Variants in TTLL9 observed in about 807,000 individuals in gnomAD.
The protein encoded by TTLL9 is tubulin tyrosine ligase like 9, also known as probable tubulin polyglutamylase TTLL9.
A neutral mutation model predicts 65.6 loss-of-function variants in TTLL9; 47 were observed. The ratio of observed to expected loss-of-function variants is 0.72; its 90% CI spans 0.57 to 0.91. TTLL9 has a LOEUF of 0.91. Ranked by LOEUF, TTLL9 falls within the 40% of genes least tolerant of loss-of-function variation. The pLI is 0.00. For missense variants in TTLL9, 537 were observed against 568.8 expected, an observed-to-expected ratio of 0.94 and a Z score of 0.57; for synonymous variants, 179 against 204.8, an observed-to-expected ratio of 0.87 and a Z score of 1.07.
chr20:31,877,677 T>C (rs1286771542), intron 2 of TTLL9, among the ~76,000 whole-genome samples: 10 of 152,210 alleles, frequency 6.6e-5, no homozygotes, highest in Non-Finnish European at 1.0e-4. Context: ...TCCCCAGTGA[T>C]TTATAATGCC....
rs1555799846 is a variant in TTLL9, at chr20:31,873,734, GAAA to G, written c.69+2542_69+2544del. ...AGAAAGAAAGAAAGAAAGAAAGAAAGAAAAAGGAAGGAAGGAAGAAAGAAAGAA... is the reference window on the plus strand; with the variant it reads ...AGAAAGAAAGAAAGAAAGAAAGAAAGAAGGAAGGAAGGAAGAAAGAAAGAA... On this transcript the variant is annotated intron_variant, in intron 2 of 14. Coordinates refer to ENST00000535842, the MANE Select transcript of TTLL9 (RefSeq NM_001008409.5). Among the ~76,000 whole-genome samples the G allele has an allele frequency of 5.8e-3, 601 of 103,552 alleles. 3 individuals carry two copies. Among genetic ancestry groups the G allele is most frequent in the Non-Finnish European group, 9.8e-3 (470 of 48,194 alleles). The allele number at this position is 103,552 out of a possible 152,430, so 67.9% of individuals were successfully genotyped here.
At chr20:31,897,283 T>G (rs1340649772) in intron 3 of TTLL9, among the ~76,000 whole-genome samples, 1 of 152,236 alleles carries the variant, frequency 6.6e-6, no homozygotes, top group Non-Finnish European at 1.5e-5. Flanking sequence ...ATTGTTCCAT[T>G]TCATCTAAGC....
At chr20:31,888,564 T>C (rs1977092) in intron 3 of TTLL9, among the ~76,000 whole-genome samples, 111,410 of 151,910 alleles carry the variant, frequency 0.73, 42,451 homozygotes, top group African/African-American at 0.94. Context: ...CTCTGCCTCC[T>C]GGGTTCAAGC....
chr20:31,898,732 T>G (rs1282749983), intron 4 of TTLL9, among the ~76,000 whole-genome samples, 167 bp downstream of exon 4: 1 of 152,262 alleles, frequency 6.6e-6, no homozygotes, highest in African/African-American at 2.4e-5. Flanking sequence ...CACTATCATC[T>G]CTGTCTTATT....
At chr20:31,887,905 T>TCTCTTCTCTTCTCTTCTC (rs1568747311) in intron 3 of TTLL9, among the ~76,000 whole-genome samples, 2 of 151,056 alleles carry the variant, frequency 1.3e-5, no homozygotes, top group African/African-American at 2.5e-5. Flanking sequence ...TCTCTTCTCT[T>TCTCTTCTCTTCTCTTCTC]TTGAGTTTCA....
intron 2 of TTLL9, among the ~76,000 whole-genome samples, chr20:31,876,495 T>C (rs1176654606): frequency 1.3e-5 from 2 of 152,330 alleles, no homozygotes; most frequent in East Asian, 3.8e-4. Context: ...TCTATCACCC[T>C]ACTAGTGGAC....
intron 7 of TTLL9, among the ~76,000 whole-genome samples, chr20:31,921,386 T>C (rs2063813789): frequency 6.6e-6 from 1 of 152,208 alleles, no homozygotes; most frequent in Non-Finnish European, 1.5e-5. Flanking sequence ...GACTGTAAAC[T>C]AGTTCAACCA....
intron 3 of TTLL9, among the ~76,000 whole-genome samples, chr20:31,895,496 C>G (rs1188191510): frequency 6.6e-6 from 1 of 152,120 alleles, no homozygotes; most frequent in Non-Finnish European, 1.5e-5. Flanking sequence ...ATGCATGAGA[C>G]TCCTCCCTTC....
At chr20:31,924,332 C>T (rs2063859353) in intron 8 of TTLL9, among the ~76,000 whole-genome samples, 1 of 152,188 alleles carries the variant, frequency 6.6e-6, no homozygotes, top group Admixed American at 6.5e-5. Context: ...GACCTGACCT[C>T]TGCCAGCCTA....
chr20:31,938,166 C>G (rs756089660), intron 13 of TTLL9: 1 of 449,782 alleles, frequency 2.2e-6, no homozygotes, highest in South Asian at 1.6e-5. Flanking sequence ...TAGCTTTTCC[C>G]CGATTATTCC....
intron 2 of TTLL9, among the ~76,000 whole-genome samples, chr20:31,874,922 A>G (rs2063016760): frequency 6.6e-6 from 1 of 152,120 alleles, no homozygotes; most frequent in Non-Finnish European, 1.5e-5. Context: ...AAGGAAACAG[A>G]TTATCCTAGA....
chr20:31,899,194 G>A (rs1341517832), intron 4 of TTLL9, among the ~76,000 whole-genome samples: 1 of 152,228 alleles, frequency 6.6e-6, no homozygotes, highest in Non-Finnish European at 1.5e-5. Context: ...GATGGTAAGG[G>A]GGCCCCACAG....
chr20:31,930,558 A>G (rs950407932), intron 10 of TTLL9, among the ~76,000 whole-genome samples: 3 of 152,102 alleles, frequency 2.0e-5, no homozygotes, highest in Admixed American at 1.3e-4. Context: ...TTGTTAATTC[A>G]TGTGGGATTT....
intron 10 of TTLL9, among the ~76,000 whole-genome samples, chr20:31,931,535 C>T (rs1329933929): frequency 6.6e-6 from 1 of 152,228 alleles, no homozygotes; most frequent in Non-Finnish European, 1.5e-5. Flanking sequence ...CTTGACCTCC[C>T]AAAGTGCTAG....
chr20:31,887,191 T>C lies in TTLL9; in HGVS notation c.70-5T>C, dbSNP rs781663999. On this transcript the variant is annotated splice_region_variant and splice_polypyrimidine_tract_variant and intron_variant, in intron 2 of 14. Transcript: ENST00000535842. ...AGTTACATCCTTTTCCTTTCCTCAT[T>C]GCAGAACCAAAATTACAAGGGCCAT... is the stretch of plus-strand genomic sequence containing the variant. 8 of 1,614,000 alleles carry C rather than the reference T, an allele frequency of 5.0e-6. No individual in the cohort carries two copies. Among genetic ancestry groups the C allele is most frequent in the Non-Finnish European group, 6.8e-6 (8 of 1,179,988 alleles).
At position 31,919,896 on chromosome 20, in the gene TTLL9, C is replaced by T; in HGVS notation, c.537C>T (p.Leu179=). 1 of 1,592,740 alleles carries T rather than the reference C, an allele frequency of 6.3e-7. No homozygotes were observed. The highest frequency in any genetic ancestry group is 8.5e-7 in the Non-Finnish European group (1 of 1,170,184). Reference sequence around the variant, plus strand: ...GGTCTCAAGGGAAAGGCATCTTCCTCTTCCGTAGGCTGAAGGACATCGTGG... The same window carrying T: ...GGTCTCAAGGGAAAGGCATCTTCCTTTTCCGTAGGCTGAAGGACATCGTGG... ...VARSQGKGIF[L]FRRLKDIVDW... The change falls in exon 7 of 15, where the codon CTC becomes CTT. Residue 179 remains leucine, a synonymous_variant. Coordinates refer to ENST00000535842, the MANE Select transcript of TTLL9 (RefSeq NM_001008409.5).
chr20:31,887,274 C>T, intron 3 of TTLL9, 35 bp downstream of exon 3: 2 of 1,611,002 alleles, frequency 1.2e-6, no homozygotes, highest in East Asian at 2.2e-5. Context: ...AATCACAGCG[C>T]AACCAACTTC....
chr20:31,891,850 T>G (rs1369541629), intron 3 of TTLL9, among the ~76,000 whole-genome samples: 10 of 152,258 alleles, frequency 6.6e-5, no homozygotes, highest in African/African-American at 1.4e-4. Flanking sequence ...TCACCCAGGC[T>G]GGAGTGCAGT....
At chr20:31,885,794 G>A (rs1040175732) in intron 2 of TTLL9, among the ~76,000 whole-genome samples, 3 of 152,312 alleles carry the variant, frequency 2.0e-5, no homozygotes, top group East Asian at 3.9e-4. Flanking sequence ...GAATTTGATG[G>A]TGTGGTTACT....
Sources: gnomAD v4.1 joint callset for allele counts (sites outside exome capture counted in the v4.1 genomes callset) on GRCh38, gnomAD v4.1.1 for gene constraint, MANE v1.5 for transcripts, NCBI Gene and HGNC (gene_info 2026-07-23, HGNC 2026-07-21) for gene names.